ARIH1: variants seen among roughly 807,000 people sequenced by gnomAD.
The protein encoded by ARIH1 is E3 ubiquitin-protein ligase ARIH1.
Under a neutral mutation model 85.0 loss-of-function variants are expected in ARIH1, and 8 were observed. The observed-to-expected ratio is 0.09, with a 90% CI of 0.06 to 0.17. The LOEUF is 0.17. Among genes scored for constraint, ARIH1 ranks in the 10% least tolerant of loss-of-function variants. The pLI is 1.00. For missense variants in ARIH1, 311 were observed against 718.1 expected (o/e 0.43, Z 6.48); for synonymous variants, 238 against 253.6 (o/e 0.94, Z 0.59).
At chr15:72,521,110 G>A (rs1471771444) in intron 2 of ARIH1, among the ~76,000 whole-genome samples, 1 of 151,082 alleles carries the variant, frequency 6.6e-6, no homozygotes, top group Non-Finnish European at 1.5e-5. Flanking sequence ...CTCCCAAAAT[G>A]CTGGAATTAC....
chr15:72,491,994 A>T (rs139484035), intron 1 of ARIH1, among the ~76,000 whole-genome samples: 1 of 152,270 alleles, frequency 6.6e-6, no homozygotes, highest in Non-Finnish European at 1.5e-5. Context: ...ATGGGCTCTG[A>T]CTTGTGACTT....
chr15:72,520,585 TTTCTGTTCGCTTA>T (rs1416398272), intron 2 of ARIH1, among the ~76,000 whole-genome samples: 1 of 152,208 alleles, frequency 6.6e-6, no homozygotes, highest in Admixed American at 6.5e-5. Flanking sequence ...TTTGTTATGT[TTTCTGTTCGCTTA>T]TTCTGTTGGC....
intron 6 of ARIH1, among the ~76,000 whole-genome samples, chr15:72,562,421 T>A (rs1199969852): frequency 6.6e-6 from 1 of 152,220 alleles, no homozygotes; most frequent in Non-Finnish European, 1.5e-5. Flanking sequence ...AAAGTAATTA[T>A]TTCTGTTAGA....
intron 2 of ARIH1, among the ~76,000 whole-genome samples, chr15:72,529,612 A>G (rs2064046808): frequency 6.6e-6 from 1 of 152,338 alleles, no homozygotes; most frequent in East Asian, 1.9e-4. Flanking sequence ...GTACGTAGAG[A>G]TAAGTTTTTA....
At chr15:72,546,662 T>C (rs2064130103) in intron 3 of ARIH1, among the ~76,000 whole-genome samples, 1 of 151,848 alleles carries the variant, frequency 6.6e-6, no homozygotes, top group South Asian at 2.1e-4. Context: ...TTTCTGTGTG[T>C]GTGTGTGTGT....
Position 72,588,424 on chromosome 15 carries a change from T to G in ARIH1, c.*5132T>G, listed in dbSNP as rs1048299603. On this transcript the variant is annotated 3_prime_UTR_variant, in exon 14 of 14. Transcript: ENST00000379887. ...TGCCTGAGTGTTACTTTATGGAGAT[T>G]ATGATTTAATTGCTTTGGGTAGGCA... 7.2e-5 allele frequency: 11 copies of G among 152,176 alleles called. No homozygotes were observed. The highest frequency in any genetic ancestry group is 2.7e-4 in the African/African-American group (11 of 41,416). The allele number at this position is 152,176 out of a possible 1,614,324, so 9.4% of individuals were successfully genotyped here. A position where few individuals can be genotyped will look rare whatever the true frequency, so the allele number is the denominator to read the frequency against.
intron 3 of ARIH1, among the ~76,000 whole-genome samples, chr15:72,545,690 A>G (rs1485334723): frequency 6.6e-6 from 1 of 152,184 alleles, no homozygotes; most frequent in East Asian, 1.9e-4. Context: ...TTATCCTGGC[A>G]TGATGGTGCA....
At chr15:72,559,035 ATAC>A (rs1182763866) in intron 5 of ARIH1, among the ~76,000 whole-genome samples, 2 of 152,330 alleles carry the variant, frequency 1.3e-5, no homozygotes, top group Admixed American at 6.5e-5. Context: ...TATCCTTAGT[ATAC>A]TGGGGATTGG....
chr15:72,490,870 C>T (rs1391321475), intron 1 of ARIH1, among the ~76,000 whole-genome samples: 1 of 152,154 alleles, frequency 6.6e-6, no homozygotes, highest in Non-Finnish European at 1.5e-5. Context: ...GTAATCCCTG[C>T]ACTTTGGGAG....
chr15:72,566,558 A>G lies in ARIH1; in HGVS notation c.912-5A>G. The G allele has an allele frequency of 1.2e-6, 2 of 1,611,694 alleles. No individual in the cohort carries two copies. On this transcript the variant is annotated splice_region_variant and splice_polypyrimidine_tract_variant and intron_variant, in intron 7 of 13. Transcript: ENST00000379887. ...ATTCTATTAACTCTTTGTGTCACTT[A>G]ACAGCTTTAACTGTGGAGAAAATTG...
At chr15:72,476,579 G>T (rs1351687567) in intron 1 of ARIH1, among the ~76,000 whole-genome samples, 2 of 152,000 alleles carry the variant, frequency 1.3e-5, no homozygotes, top group East Asian at 3.9e-4. Context: ...TGGCCAGGCT[G>T]GTTTCGAACT....
chr15:72,509,014 C>CT (rs1484491766), intron 1 of ARIH1, among the ~76,000 whole-genome samples: 1 of 135,534 alleles, frequency 7.4e-6, no homozygotes, highest in Non-Finnish European at 1.6e-5. Flanking sequence ...TTTTTTGAGA[C>CT]TGAGTCTTGC....
intron 2 of ARIH1, among the ~76,000 whole-genome samples, chr15:72,523,797 TA>T (rs1239585958): frequency 6.7e-6 from 1 of 150,290 alleles, no homozygotes; most frequent in African/African-American, 2.5e-5. Context: ...TAAACTGCTC[TA>T]AAAAATAATA....
intron 1 of ARIH1, among the ~76,000 whole-genome samples, chr15:72,483,959 G>A (rs968025180): frequency 5.3e-5 from 8 of 151,290 alleles, no homozygotes; most frequent in Non-Finnish European, 4.4e-5. Context: ...ATCACCTGAA[G>A]TCAGGAGTTC....
chr15:72,588,491 AT>A lies in ARIH1; in HGVS notation c.*5201del, dbSNP rs2064327391. 6.6e-6 allele frequency: 1 copy of A among 152,184 alleles called. No homozygotes were observed. Among genetic ancestry groups the A allele is most frequent in the Non-Finnish European group, 1.5e-5 (1 of 68,028 alleles). The allele number at this position is 152,184 out of a possible 1,614,324, so 9.4% of individuals were successfully genotyped here. The stretch of plus-strand genomic sequence containing the variant: ...AGCCCTTTACGCATTCTCACCCCTA[AT>A]TCCAGCCGGTGATTCTCACATGCAG... On this transcript the variant is annotated 3_prime_UTR_variant, in exon 14 of 14. Coordinates refer to ENST00000379887, the MANE Select transcript of ARIH1 (RefSeq NM_005744.5).
chr15:72,601,154 C>G lies in ARIH1; in HGVS notation c.*17862C>G, dbSNP rs553635838. On this transcript the variant is annotated 3_prime_UTR_variant, in exon 14 of 14. Coordinates refer to ENST00000379887, the MANE Select transcript of ARIH1 (RefSeq NM_005744.5). ...GAGAACCCATTTACTTTTTCTCCAT[C>G]TCCTTTGCCATCACACTAGTCCAAG... The G allele has an allele frequency of 6.6e-6, 1 of 152,294 alleles. No homozygotes were observed. The highest frequency in any genetic ancestry group is 6.5e-5 in the Admixed American group (1 of 15,300). The allele number at this position is 152,294 out of a possible 1,614,324, so 9.4% of individuals were successfully genotyped here.
At chr15:72,485,640 C>G (rs2063834771) in intron 1 of ARIH1, among the ~76,000 whole-genome samples, 1 of 151,920 alleles carries the variant, frequency 6.6e-6, no homozygotes, top group African/African-American at 2.4e-5. Context: ...ATTTTGGAAT[C>G]CTGAAGGAAA....
At chr15:72,494,531 G>C (rs548247494) in intron 1 of ARIH1, among the ~76,000 whole-genome samples, 2 of 152,118 alleles carry the variant, frequency 1.3e-5, no homozygotes, top group Admixed American at 1.3e-4. Flanking sequence ...GTAGGAGCTG[G>C]GGCTAGACAG....
At chr15:72,581,958 C>T (rs1242317200) in intron 12 of ARIH1, 117 bp from the exon 13 acceptor site, 1 of 625,980 alleles carries the variant, frequency 1.6e-6, no homozygotes, top group Admixed American at 3.0e-5. Flanking sequence ...GCAGTTAAAC[C>T]ACCTATGAAA....
Sources: gnomAD v4.1 joint callset for allele counts (sites outside exome capture counted in the v4.1 genomes callset) on GRCh38, gnomAD v4.1.1 for gene constraint, MANE v1.5 for transcripts, NCBI Gene and HGNC (gene_info 2026-07-23, HGNC 2026-07-21) for gene names.